The following MAP3K5 variants were observed in gnomAD, a reference collection of about 807,000 sequenced individuals.
The protein encoded by MAP3K5 is ASK-1.
In MAP3K5, 56 loss-of-function variants were observed where a neutral mutation model predicts 158.7. That is an observed-to-expected ratio of 0.35 (90% CI 0.28 to 0.44). MAP3K5 has a LOEUF of 0.44. Ranked by LOEUF, MAP3K5 falls within the 20% of genes least tolerant of loss-of-function variation. The pLI is 1.00. For missense variants in MAP3K5, 1,294 were observed against 1,674.8 expected (o/e 0.77, Z 3.97); for synonymous variants, 579 against 601.7 (o/e 0.96, Z 0.55).
At chr6:136,680,909 G>A (rs1302899267) in intron 7 of MAP3K5, among the ~76,000 whole-genome samples, 2 of 152,140 alleles carry the variant, frequency 1.3e-5, no homozygotes, top group Non-Finnish European at 2.9e-5. Flanking sequence ...GGCTGGGGGT[G>A]TAGATTTAAT....
intron 23 of MAP3K5, among the ~76,000 whole-genome samples, chr6:136,590,999 G>A (rs557988716): frequency 6.6e-6 from 1 of 152,284 alleles, no homozygotes; most frequent in South Asian, 2.1e-4. Flanking sequence ...TCATGGGGGT[G>A]GGTCTTTCCT....
At chr6:136,755,203 C>T (rs2114940324) in intron 1 of MAP3K5, among the ~76,000 whole-genome samples, 1 of 152,262 alleles carries the variant, frequency 6.6e-6, no homozygotes, top group East Asian at 1.9e-4. Flanking sequence ...CTCTAATGCC[C>T]TGCTTAGCTG....
intron 21 of MAP3K5, among the ~76,000 whole-genome samples, chr6:136,597,052 T>C (rs935227030): frequency 3.9e-5 from 6 of 152,090 alleles, no homozygotes; most frequent in African/African-American, 1.4e-4. Context: ...TAAGAAGCCC[T>C]CCTCTATGGG....
At chr6:136,583,227 T>C (rs189364857) in intron 24 of MAP3K5, among the ~76,000 whole-genome samples, 1 of 152,352 alleles carries the variant, frequency 6.6e-6, no homozygotes, top group African/African-American at 2.4e-5. Context: ...AGAAAATGTA[T>C]GACTAAAGTG....
chr6:136,691,717 A>G (rs1448073590), intron 7 of MAP3K5, among the ~76,000 whole-genome samples: 1 of 151,628 alleles, frequency 6.6e-6, no homozygotes, highest in Admixed American at 6.6e-5. Context: ...ATTTCTAATA[A>G]TCTGTTTTGA....
At chr6:136,629,319 G>A (rs1323905507) in intron 14 of MAP3K5, 1 of 152,142 alleles carries the variant, frequency 6.6e-6, no homozygotes, top group Non-Finnish European at 1.5e-5. Flanking sequence ...CTCTGTTAAT[G>A]TTCAGTCTGT....
intron 26 of MAP3K5, among the ~76,000 whole-genome samples, chr6:136,565,650 C>T (rs1218045644): frequency 6.6e-6 from 1 of 152,196 alleles, no homozygotes; most frequent in Non-Finnish European, 1.5e-5. Flanking sequence ...ACTAACATTT[C>T]CTCTAGATTC....
intron 15 of MAP3K5, among the ~76,000 whole-genome samples, chr6:136,617,881 C>T (rs899568730): frequency 3.3e-5 from 5 of 151,976 alleles, no homozygotes; most frequent in Non-Finnish European, 5.9e-5. Flanking sequence ...TGCAGTGAGC[C>T]GAGATCGCGC....
At chr6:136,761,926 T>TA (rs1319817659) in intron 1 of MAP3K5, among the ~76,000 whole-genome samples, 2 of 152,140 alleles carry the variant, frequency 1.3e-5, no homozygotes, top group Non-Finnish European at 1.5e-5. Context: ...TTGAGGCAGA[T>TA]ATAACGCATT....
chr6:136,744,952 G>A (rs957132708), intron 1 of MAP3K5, among the ~76,000 whole-genome samples: 1 of 152,068 alleles, frequency 6.6e-6, no homozygotes, highest in East Asian at 1.9e-4. Flanking sequence ...AGCACCGACT[G>A]CTTATTTTAG....
At chr6:136,739,433 T>G (rs560793817) in intron 1 of MAP3K5, among the ~76,000 whole-genome samples, 2 of 152,154 alleles carry the variant, frequency 1.3e-5, no homozygotes, top group East Asian at 3.9e-4. Context: ...GACTAGAGAG[T>G]GGGCCATGGG....
At chr6:136,623,209 T>A (rs1007394527) in intron 14 of MAP3K5, among the ~76,000 whole-genome samples, 1 of 152,244 alleles carries the variant, frequency 6.6e-6, no homozygotes. Context: ...ATTACATAGT[T>A]AACTTCATAG....
intron 21 of MAP3K5, 39 bp downstream of exon 21, chr6:136,600,983 C>T: frequency 6.2e-7 from 1 of 1,609,606 alleles, no homozygotes; most frequent in Non-Finnish European, 8.5e-7. Context: ...CACCAGACAC[C>T]AGGTCTCAGC....
At chr6:136,654,419 ATTC>A (rs909803677) in intron 10 of MAP3K5, among the ~76,000 whole-genome samples, 13 of 152,094 alleles carry the variant, frequency 8.5e-5, no homozygotes, top group South Asian at 2.1e-4. Flanking sequence ...TAAATTTTTT[ATTC>A]TTCTTTTTAT....
rs759606435 is a variant in MAP3K5, at chr6:136,592,819, C to T, written c.2879-205G>A. ...ATACAGCAGGGTAGCCAGGAAAGGGCCTCCCAGGCCCTGGGAGGGATATCT... is the reference window on the plus strand; with the variant it reads ...ATACAGCAGGGTAGCCAGGAAAGGGTCTCCCAGGCCCTGGGAGGGATATCT... On this transcript the variant is annotated intron_variant, in intron 21 of 29. Coordinates refer to ENST00000359015, the MANE Select transcript of MAP3K5 (RefSeq NM_005923.4). 1.3e-5 allele frequency: 8 copies of T among 628,986 alleles called. No homozygotes were observed. In the Admixed American group the frequency reaches 1.7e-4, roughly 13 times the overall value. 39.0% of individuals were successfully genotyped at this position (628,986 alleles called of 1,614,324 possible). A position where few individuals can be genotyped will look rare whatever the true frequency, so the allele number is the denominator to read the frequency against.
At chr6:136,705,230 G>A in intron 2 of MAP3K5, 97 bp from the exon 3 acceptor site, 1 of 578,348 alleles carries the variant, frequency 1.7e-6, no homozygotes, top group South Asian at 2.2e-5. Flanking sequence ...TATTAACAAT[G>A]ATATTAGCAA....
At chr6:136,666,170 G>A (rs1476534425) in intron 8 of MAP3K5, among the ~76,000 whole-genome samples, 1 of 152,156 alleles carries the variant, frequency 6.6e-6, no homozygotes, top group Non-Finnish European at 1.5e-5. Flanking sequence ...AAGCATCAGT[G>A]ATTCTTCAAA....
chr6:136,712,062 C>T (rs1211536708), intron 2 of MAP3K5, among the ~76,000 whole-genome samples: 1 of 151,840 alleles, frequency 6.6e-6, no homozygotes, highest in Non-Finnish European at 1.5e-5. Context: ...AATTTCTTTT[C>T]ATATTTAAAT....
chr6:136,590,706 A>G (rs1775346719), intron 23 of MAP3K5, among the ~76,000 whole-genome samples: 2 of 151,864 alleles, frequency 1.3e-5, no homozygotes, highest in African/African-American at 4.8e-5. Flanking sequence ...ACGCCTGGCT[A>G]ATTTTTTGTA....
Sources: allele counts gnomAD v4.1 joint callset (sites outside exome capture counted in the v4.1 genomes callset), GRCh38; gene constraint gnomAD v4.1.1; transcripts MANE v1.5; gene names NCBI Gene and HGNC (gene_info 2026-07-23, HGNC 2026-07-21).